The following ADARB2 variants were observed in gnomAD, a reference collection of about 807,000 sequenced individuals.
ADARB2 encodes the protein inactive double-stranded RNA-specific editase B2.
A neutral mutation model predicts 62.2 loss-of-function variants in ADARB2; 25 were observed. The observed-to-expected ratio is 0.40, with a 90% CI of 0.29 to 0.56. ADARB2 has a LOEUF of 0.56. Among genes scored for constraint, ADARB2 ranks in the 20% least tolerant of loss-of-function variants. ADARB2 has a pLI of 0.43. For missense variants in ADARB2, 1,071 were observed against 1,077.4 expected (o/e 0.99, Z 0.08); for synonymous variants, 572 against 500.8 (o/e 1.14, Z -1.90).
At chr10:1,544,956 T>TATACACACACACACATACACACACACAC in intron 1 of ADARB2, among the ~76,000 whole-genome samples, 1 of 133,934 alleles carries the variant, frequency 7.5e-6, no homozygotes, top group East Asian at 2.2e-4. Flanking sequence ...TAGCAAAGTA[T>TATACACACACACACATACACACACACAC]ACACACACAC....
intron 1 of ADARB2, among the ~76,000 whole-genome samples, chr10:1,636,797 CAT>C (rs1196279289): frequency 1.4e-5 from 2 of 146,914 alleles, no homozygotes; most frequent in Admixed American, 6.8e-5. Context: ...TATTATATGA[CAT>C]ATATAATATT....
intron 3 of ADARB2, among the ~76,000 whole-genome samples, chr10:1,307,846 C>G (rs1177014749): frequency 2.4e-5 from 3 of 125,030 alleles, no homozygotes; most frequent in African/African-American, 9.0e-5. Flanking sequence ...AACCAAACAC[C>G]GCATATTCTC....
At chr10:1,408,166 A>G (rs1832723184) in intron 1 of ADARB2, among the ~76,000 whole-genome samples, 1 of 152,174 alleles carries the variant, frequency 6.6e-6, no homozygotes, top group African/African-American at 2.4e-5. Context: ...CATGCTTTAC[A>G]TGGTTTGGCA....
At chr10:1,313,532 G>A (rs1831711025) in intron 3 of ADARB2, among the ~76,000 whole-genome samples, 1 of 152,096 alleles carries the variant, frequency 6.6e-6, no homozygotes. Flanking sequence ...AAGAGTCCCT[G>A]CTCACAGAAA....
At chr10:1,230,366 C>T (rs1413604304) in intron 6 of ADARB2, among the ~76,000 whole-genome samples, 1 of 152,122 alleles carries the variant, frequency 6.6e-6, no homozygotes, top group African/African-American at 2.4e-5. Flanking sequence ...GTCCAGCTCC[C>T]GCCGCCAGCC....
intron 3 of ADARB2, among the ~76,000 whole-genome samples, chr10:1,320,936 C>T (rs1360083477): frequency 6.6e-6 from 1 of 152,170 alleles, no homozygotes; most frequent in African/African-American, 2.4e-5. Context: ...GGCCCAGATT[C>T]AGAGCCTGTG....
At chr10:1,328,008 C>CCCACA (rs1589193928) in intron 3 of ADARB2, among the ~76,000 whole-genome samples, 8 of 151,510 alleles carry the variant, frequency 5.3e-5, no homozygotes, top group African/African-American at 7.3e-5. Context: ...AAGGCGCCTC[C>CCCACA]GCATTCTGGG....
intron 1 of ADARB2, among the ~76,000 whole-genome samples, chr10:1,384,804 G>A (rs1017807071): frequency 6.6e-6 from 1 of 152,116 alleles, no homozygotes; most frequent in South Asian, 2.1e-4. Flanking sequence ...GATCTGGTGG[G>A]GCCACTGCTG....
At chr10:1,196,805 T>C (rs1056255446) in intron 8 of ADARB2, among the ~76,000 whole-genome samples, 2 of 152,206 alleles carry the variant, frequency 1.3e-5, no homozygotes, top group Non-Finnish European at 2.9e-5. Context: ...TCTGGCTATG[T>C]TGGCCAGGCT....
chr10:1,601,571 C>T (rs1057465516), intron 1 of ADARB2, among the ~76,000 whole-genome samples: 2 of 152,202 alleles, frequency 1.3e-5, no homozygotes, highest in Non-Finnish European at 2.9e-5. Context: ...ATGTCTGTTC[C>T]TTTTGCATGA....
At chr10:1,453,846 T>C (rs1034524830) in intron 1 of ADARB2, among the ~76,000 whole-genome samples, 1 of 152,148 alleles carries the variant, frequency 6.6e-6, no homozygotes, top group Non-Finnish European at 1.5e-5. Flanking sequence ...TTAGTGAGAA[T>C]GTGGGAAAAA....
In ADARB2 at chr10:1,545,986, C is replaced by T. The variant is rs371115431; in HGVS notation, c.101-166826G>A. ...ACATTTGCTTTATCTGAGTTTCTTC[C>T]TCAGGAAATGACCCTTAGTCCTTTA... On this transcript the variant is annotated intron_variant, in intron 1 of 9. Transcript: ENST00000381312. Among the ~76,000 whole-genome samples the T allele has an allele frequency of 5.6e-4, 85 of 150,488 alleles. 1 individual carries two copies. The highest frequency in any genetic ancestry group is 3.4e-3 in the Middle Eastern group (1 of 294).
chr10:1,632,716 C>T (rs541315408), intron 1 of ADARB2, among the ~76,000 whole-genome samples: 37 of 152,342 alleles, frequency 2.4e-4, no homozygotes, highest in African/African-American at 8.9e-4. Flanking sequence ...CATGAAGTGG[C>T]ATTGAATAGA....
chr10:1,728,565 G>A (rs1835194413), intron 1 of ADARB2, among the ~76,000 whole-genome samples: 1 of 152,066 alleles, frequency 6.6e-6, no homozygotes, highest in Non-Finnish European at 1.5e-5. Context: ...CATGTTAACG[G>A]CATGCCTTCT....
rs35859427 is a variant in ADARB2, at chr10:1,199,214, A to ACCC, written c.1864+749_1864+751dup. On this transcript the variant is annotated intron_variant, in intron 8 of 9. Coordinates refer to ENST00000381312, the MANE Select transcript of ADARB2 (RefSeq NM_018702.4). ...GAGGCTGGCGGTGATTCGGAAACCC[A>ACCC]CCCCCCCGCTTCCCGCTGTTCCTGT... 4.1e-3 allele frequency among the ~76,000 whole-genome samples: 619 copies of ACCC among 150,622 alleles called. 1 individual carries two copies. Among genetic ancestry groups the ACCC allele is most frequent in the African/African-American group, 0.01 (425 of 40,890 alleles).
At chr10:1,612,750 G>A (rs184312782) in intron 1 of ADARB2, among the ~76,000 whole-genome samples, 1 of 152,148 alleles carries the variant, frequency 6.6e-6, no homozygotes, top group Non-Finnish European at 1.5e-5. Context: ...TGTTTATTTG[G>A]CATCCATGAG....
chr10:1,582,258 G>A (rs918487252), intron 1 of ADARB2, among the ~76,000 whole-genome samples: 6 of 152,130 alleles, frequency 3.9e-5, no homozygotes, highest in African/African-American at 7.2e-5. Flanking sequence ...GGGAAGTGAC[G>A]TGACCCTGCG....
chr10:1,441,051 G>T (rs1277748775), intron 1 of ADARB2, among the ~76,000 whole-genome samples: 1 of 152,218 alleles, frequency 6.6e-6, no homozygotes, highest in Non-Finnish European at 1.5e-5. Context: ...ACTTGGTAGT[G>T]TCAGCTGAAT....
chr10:1,586,258 C>A (rs1386307399), intron 1 of ADARB2, among the ~76,000 whole-genome samples: 1 of 152,152 alleles, frequency 6.6e-6, no homozygotes, highest in East Asian at 1.9e-4. Context: ...AAAAGTCCAA[C>A]CCAGTTCTTC....
Sources: allele counts gnomAD v4.1 joint callset (sites outside exome capture counted in the v4.1 genomes callset), GRCh38; gene constraint gnomAD v4.1.1; transcripts MANE v1.5; gene names NCBI Gene and HGNC (gene_info 2026-07-23, HGNC 2026-07-21).